Variants in FRMPD2 observed in about 807,000 individuals in gnomAD.
FRMPD2 encodes FERM and PDZ domain containing 2, also known as FERM and PDZ domain-containing protein 2.
A neutral mutation model predicts 140.1 loss-of-function variants in FRMPD2; 96 were observed. That is an observed-to-expected ratio of 0.69 (90% CI 0.58 to 0.81). FRMPD2 has a LOEUF of 0.81. Ranked by LOEUF, FRMPD2 falls within the 40% of genes least tolerant of loss-of-function variation. The pLI is 0.00. For synonymous variants in FRMPD2, 449 were observed against 547.6 expected (o/e 0.82, Z 2.52); for missense variants, 1,240 against 1,447.4 (o/e 0.86, Z 2.32).
rs1325670824 is a variant in FRMPD2 at position 48,184,816 on chromosome 10, T to C, written c.2425A>G (p.Ile809Val). Reference protein sequence around the residue: ...ADPGIFISSIIPGGPAEKAKT... With the variant: ...ADPGIFISSIVPGGPAEKAKT... The stretch of plus-strand genomic sequence containing the variant: ...GCTTTTTCTGCTGGTCCTCCAGGTA[T>C]AATAGAAGATATAAAAATGCCAGGG... The change falls in exon 19 of 29, where the codon ATA (isoleucine) becomes GTA (valine). Residue 809 changes from isoleucine (I) to valine (V), a missense_variant. Ile to Val is a conservative substitution (Grantham distance 29, BLOSUM62 3). This residue lies in a region of FRMPD2 where 1,161 missense variants were observed against 1,055.9 expected (regional missense o/e 1.10). Transcript: ENST00000374201. The C allele has an allele frequency of 6.2e-7, 1 of 1,613,942 alleles. No homozygotes were observed.
At chr10:48,239,084 T>C (rs1840037804) in intron 7 of FRMPD2, among the ~76,000 whole-genome samples, 1 of 152,310 alleles carries the variant, frequency 6.6e-6, no homozygotes, top group Non-Finnish European at 1.5e-5. Flanking sequence ...GCTGACCTGC[T>C]GGTGGAGGAG....
chr10:48,162,181 TTA>T (rs1837960112), intron 28 of FRMPD2, among the ~76,000 whole-genome samples: 2 of 142,654 alleles, frequency 1.4e-5, no homozygotes, highest in South Asian at 4.5e-4. Flanking sequence ...ATAAATACAC[TTA>T]TGTTATACAT....
intron 2 of FRMPD2, among the ~76,000 whole-genome samples, chr10:48,251,225 T>C (rs1255723581): frequency 2.0e-5 from 3 of 152,168 alleles, no homozygotes; most frequent in Non-Finnish European, 4.4e-5. Flanking sequence ...CCATGTGCTG[T>C]TAGACACCCA....
chr10:48,223,200 C>G lies in FRMPD2; in HGVS notation c.1239G>C (p.Gln413His), dbSNP rs527751705. The change falls in exon 11 of 29, where the codon CAG becomes CAC. Residue 413 changes from glutamine to histidine, a missense_variant. Physicochemically the swap from Gln to His is conservative, Grantham distance 24 (BLOSUM62 0). Coordinates refer to ENST00000374201, the MANE Select transcript of FRMPD2 (RefSeq NM_001018071.4). ...CKIAPEGWREQPQKTSMNTFT... is the reference protein window; with the variant it reads ...CKIAPEGWREHPQKTSMNTFT... ...AGGTATTCATGGAGGTCTTCTGAGG[C>G]TGCTCTCTCCAGCCTTCAGGAGCTA... The G allele has an allele frequency of 6.2e-7, 1 of 1,614,020 alleles. No individual in the cohort carries two copies. The highest frequency in any genetic ancestry group is 1.1e-5 in the South Asian group (1 of 91,078).
At chr10:48,237,879 C>T (rs1350713857) in intron 8 of FRMPD2, 112 bp downstream of exon 8, 3 of 1,285,786 alleles carry the variant, frequency 2.3e-6, no homozygotes, top group Admixed American at 3.5e-5. Flanking sequence ...AACCTCAGCC[C>T]AGGGAAGTTG....
chr10:48,199,789 G>A (rs537768110), intron 15 of FRMPD2: 9 of 152,322 alleles, frequency 5.9e-5, no homozygotes, highest in African/African-American at 2.2e-4. Context: ...TGGGCACACA[G>A]GAAGTCCTCC....
chr10:48,202,194 A>C (rs1839101784), intron 14 of FRMPD2, among the ~76,000 whole-genome samples: 1 of 152,188 alleles, frequency 6.6e-6, no homozygotes, highest in Non-Finnish European at 1.5e-5. Context: ...AATTCATATA[A>C]AACTTCCAAA....
rs149116367 is a variant in FRMPD2 at position 48,217,259 on chromosome 10, G to A, written c.1455+5054C>T. On this transcript the variant is annotated intron_variant, in intron 12 of 28. Transcript: ENST00000374201. ...GCGCTTCAAGTACTGCTTTGGTGCT[G>A]GATAAATGGCTACACCAAACAGACA... Among the ~76,000 whole-genome samples the A allele has an allele frequency of 3.4e-3, 513 of 152,280 alleles. 1 individual carries two copies. Among genetic ancestry groups the A allele is most frequent in the South Asian group, 0.021 (99 of 4,820 alleles).
intron 14 of FRMPD2, among the ~76,000 whole-genome samples, chr10:48,206,029 T>G (rs1839191166): frequency 6.6e-6 from 1 of 152,150 alleles, no homozygotes; most frequent in South Asian, 2.1e-4. Context: ...CTTCATATTT[T>G]ATAATAAATC....
chr10:48,237,686 C>T (rs954744302), intron 8 of FRMPD2, among the ~76,000 whole-genome samples: 16 of 152,122 alleles, frequency 1.1e-4, no homozygotes, highest in Admixed American at 4.6e-4. Flanking sequence ...TGTCAGTTCT[C>T]GAATCATGTA....
At chr10:48,235,643 A>T (rs894364557) in intron 9 of FRMPD2, among the ~76,000 whole-genome samples, 29 of 152,230 alleles carry the variant, frequency 1.9e-4, no homozygotes, top group African/African-American at 7.0e-4. Flanking sequence ...GGCCCTGAGC[A>T]GAGGCCCAGA....
chr10:48,159,736 T>C (rs1448914318), intron 28 of FRMPD2, among the ~76,000 whole-genome samples: 1 of 151,722 alleles, frequency 6.6e-6, no homozygotes, highest in Non-Finnish European at 1.5e-5. Context: ...AAGTGATGCT[T>C]GTTGAACTTA....
At chr10:48,197,975 C>A (rs745699748) in intron 15 of FRMPD2, among the ~76,000 whole-genome samples, 1 of 152,180 alleles carries the variant, frequency 6.6e-6, no homozygotes, top group Admixed American at 6.5e-5. Context: ...TTTGAGAAAA[C>A]AGTAAATTAT....
chr10:48,197,997 A>G (rs542257428), intron 15 of FRMPD2, among the ~76,000 whole-genome samples: 2 of 152,220 alleles, frequency 1.3e-5, no homozygotes, highest in Admixed American at 1.3e-4. Context: ...AACATAAGGG[A>G]GGTAATTAGT....
At chr10:48,220,574 A>G (rs1455958889) in intron 12 of FRMPD2, among the ~76,000 whole-genome samples, 1 of 152,214 alleles carries the variant, frequency 6.6e-6, no homozygotes, top group Non-Finnish European at 1.5e-5. Flanking sequence ...TAACAAAAAC[A>G]AAGATAAATA....
chr10:48,238,156 A>C, intron 7 of FRMPD2, 33 bp from the exon 8 acceptor site: 1 of 1,597,458 alleles, frequency 6.3e-7, no homozygotes, highest in Non-Finnish European at 8.5e-7. Flanking sequence ...TGAAGCACTT[A>C]GCAATGGCAA....
intron 9 of FRMPD2, among the ~76,000 whole-genome samples, chr10:48,234,516 G>A (rs1338351147): frequency 6.6e-6 from 1 of 152,074 alleles, no homozygotes; most frequent in African/African-American, 2.4e-5. Flanking sequence ...CCACTTGGAG[G>A]GAGAGATAGG....
At chr10:48,199,075 A>T (rs898024235) in intron 15 of FRMPD2, among the ~76,000 whole-genome samples, 14 of 152,202 alleles carry the variant, frequency 9.2e-5, no homozygotes, top group Non-Finnish European at 2.1e-4. Context: ...AACAATAGAC[A>T]CTGTGGACTA....
rs1256131599 is a variant in FRMPD2 at position 48,236,537 on chromosome 10, A to T, written c.938T>A (p.Phe313Tyr). The T allele has an allele frequency of 6.2e-7, 1 of 1,614,196 alleles. No individual in the cohort carries two copies. The highest frequency in any genetic ancestry group is 1.3e-5 in the African/African-American group (1 of 75,054). Residue 313 changes from phenylalanine (F) to tyrosine (Y), a missense_variant, in exon 9 of 29, where the codon TTC (phenylalanine) becomes TAC (tyrosine). Transcript: ENST00000374201. ...QRRSKFSRPE[F>Y]ILLAGEAPMT... ...CGGGGCCTCTCCAGCCAACAGGATG[A>T]ACTCTGGCCTGGAAAACTGGAGGAA...
Sources: allele counts gnomAD v4.1 joint callset (sites outside exome capture counted in the v4.1 genomes callset), GRCh38; gene constraint gnomAD v4.1.1; regional missense constraint gnomAD v4.1.1; transcripts MANE v1.5; gene names NCBI Gene and HGNC (gene_info 2026-07-23, HGNC 2026-07-21).